Variants in SWT1 observed in about 807,000 individuals in gnomAD.
The protein encoded by SWT1 is transcriptional protein SWT1.
In SWT1, 33 loss-of-function variants were observed where a neutral mutation model predicts 107.3. The observed-to-expected ratio is 0.31, with a 90% confidence interval of 0.23 to 0.41. The LOEUF (loss-of-function observed/expected upper bound fraction) is 0.41. Among genes scored for constraint, SWT1 ranks in the 10% least tolerant of loss-of-function variants. The pLI is 1.00. For synonymous variants in SWT1, 345 were observed against 348.3 expected (o/e 0.99, Z 0.11); for missense variants, 898 against 1,028.9 (o/e 0.87, Z 1.74).
chr1:185,159,054 A>AGT (rs1276700978), intron 1 of SWT1, among the ~76,000 whole-genome samples: 2 of 152,180 alleles, frequency 1.3e-5, no homozygotes, highest in African/African-American at 4.8e-5. Context: ...GGGCTGTTTG[A>AGT]GTGTCCTCAT....
chr1:185,204,132 G>A (rs529160160), intron 11 of SWT1, among the ~76,000 whole-genome samples: 25 of 152,246 alleles, frequency 1.6e-4, no homozygotes, highest in Admixed American at 1.3e-3. Flanking sequence ...ATTGATGTGG[G>A]CTGAGTTTAG....
In SWT1 at chr1:185,197,819, T is replaced by C. The variant is rs144658860; in HGVS notation, c.1524-4835T>C. 6.3e-3 allele frequency among the ~76,000 whole-genome samples: 954 copies of C among 152,270 alleles called. 12 individuals are homozygous for C. Among genetic ancestry groups the C allele is most frequent in the Non-Finnish European group, 7.1e-3 (480 of 68,020 alleles). The stretch of plus-strand genomic sequence containing the variant: ...GTGGTGATATCCCCTTTATCATTTT[T>C]TTATTGTCTCTCTTTTCTTCTTTAT... On this transcript the variant is annotated intron_variant, in intron 10 of 18. Coordinates refer to ENST00000367500, the MANE Select transcript of SWT1 (RefSeq NM_017673.7).
rs1213261310 is a variant in SWT1 at position 185,195,427 on chromosome 1, T to C, written c.1523+4785T>C. 1.3e-5 allele frequency among the ~76,000 whole-genome samples: 2 copies of C among 152,210 alleles called. 1 individual carries two copies. The highest frequency in any genetic ancestry group is 3.8e-4 in the East Asian group (2 of 5,198). On this transcript the variant is annotated intron_variant, in intron 10 of 18. Transcript: ENST00000367500. ...TGGACATTTGGGTTGGTTCCAAGTC[T>C]TTGCTATTGTGAATAGTGCCGCAAT...
chr1:185,219,505 A>G (rs1025111767), intron 14 of SWT1, among the ~76,000 whole-genome samples: 2 of 152,228 alleles, frequency 1.3e-5, no homozygotes, highest in Non-Finnish European at 2.9e-5. Context: ...TTAGCAATCC[A>G]TGAAGCTAAT....
intron 10 of SWT1, among the ~76,000 whole-genome samples, chr1:185,201,239 GC>G (rs1027283638): frequency 3.3e-5 from 5 of 152,054 alleles, no homozygotes; most frequent in African/African-American, 1.2e-4. Context: ...TGGCTTCAGT[GC>G]CCACTTCCAG....
chr1:185,172,735 T>A (rs1319092191), intron 4 of SWT1, among the ~76,000 whole-genome samples: 3 of 152,156 alleles, frequency 2.0e-5, no homozygotes, highest in Admixed American at 2.0e-4. Flanking sequence ...TATTGTAAAA[T>A]CTTTGCTAAT....
At chr1:185,163,897 G>A (rs1294381345) in intron 2 of SWT1, among the ~76,000 whole-genome samples, 1 of 152,172 alleles carries the variant, frequency 6.6e-6, no homozygotes, top group Non-Finnish European at 1.5e-5. Context: ...GTTCTAAATG[G>A]CATCTAGAAT....
At chr1:185,282,725 C>G (rs1157356402) in intron 18 of SWT1, among the ~76,000 whole-genome samples, 5 of 152,088 alleles carry the variant, frequency 3.3e-5, no homozygotes, top group Non-Finnish European at 7.4e-5. Context: ...GGAGTTGACT[C>G]TGACTCCAGA....
intron 13 of SWT1, among the ~76,000 whole-genome samples, chr1:185,212,818 A>AG (rs369640042): frequency 1.3e-5 from 2 of 149,516 alleles, no homozygotes; most frequent in African/African-American, 4.9e-5. Context: ...AAAAAAAAAA[A>AG]CTTCTTGCTG....
chr1:185,192,245 A>T lies in SWT1; in HGVS notation c.1523+1603A>T, dbSNP rs532180493. Among the ~76,000 whole-genome samples, 8 of 152,272 alleles carry T rather than the reference A, an allele frequency of 5.3e-5. No individual in the cohort carries two copies. The East Asian group carries it at 7.7e-4, about 15-fold the overall frequency. ...GCTAATATATTCAACTATTTATTTG[A>T]TATCTCTTGGATGTTTCATAGACAT... On this transcript the variant is annotated intron_variant, in intron 10 of 18. Coordinates refer to ENST00000367500, the MANE Select transcript of SWT1 (RefSeq NM_017673.7).
At chr1:185,251,190 TAAATA>T (rs1300493272) in intron 16 of SWT1, 1 of 152,214 alleles carries the variant, frequency 6.6e-6, no homozygotes, top group Admixed American at 6.5e-5. Context: ...CCTAAAAAAA[TAAATA>T]AATTAATAAA....
intron 16 of SWT1, among the ~76,000 whole-genome samples, chr1:185,241,821 AAG>A (rs764669002): frequency 1.9e-4 from 29 of 152,266 alleles, no homozygotes; most frequent in South Asian, 1.9e-3. Context: ...AGAGGTATAG[AAG>A]AGAGATGAGC....
intron 17 of SWT1, among the ~76,000 whole-genome samples, chr1:185,272,937 G>A (rs1663978770): frequency 6.6e-6 from 1 of 151,994 alleles, no homozygotes; most frequent in African/African-American, 2.4e-5. Flanking sequence ...TTGGGAGGCT[G>A]AGGAGAGATT....
At chr1:185,178,367 A>G (rs1558016230) in intron 5 of SWT1, among the ~76,000 whole-genome samples, 1 of 152,188 alleles carries the variant, frequency 6.6e-6, no homozygotes, top group Non-Finnish European at 1.5e-5. Flanking sequence ...GTATCATGGG[A>G]AAGACTGGTT....
chr1:185,265,555 A>T (rs2102708360), intron 16 of SWT1, among the ~76,000 whole-genome samples: 1 of 152,370 alleles, frequency 6.6e-6, no homozygotes, highest in African/African-American at 2.4e-5. Flanking sequence ...TCACTGTATT[A>T]AAATGAGAAG....
At chr1:185,204,586 T>C (rs1658158736) in intron 11 of SWT1, 114 bp from the exon 12 acceptor site, 1 of 455,562 alleles carries the variant, frequency 2.2e-6, no homozygotes, top group East Asian at 3.8e-5. Flanking sequence ...GTTTGTTTTA[T>C]ATATAATTAA....
intron 16 of SWT1, among the ~76,000 whole-genome samples, chr1:185,252,173 G>T (rs1662090231): frequency 6.6e-6 from 1 of 152,092 alleles, no homozygotes; most frequent in South Asian, 2.1e-4. Context: ...TCTTAATCCA[G>T]TCTATCATTG....
chr1:185,181,046 G>A (rs1391183552), intron 6 of SWT1, among the ~76,000 whole-genome samples: 2 of 152,134 alleles, frequency 1.3e-5, no homozygotes, highest in Non-Finnish European at 2.9e-5. Flanking sequence ...GGCGGGTGGA[G>A]TACCCGAGGT....
intron 16 of SWT1, among the ~76,000 whole-genome samples, chr1:185,243,148 G>T (rs1181140818): frequency 1.3e-5 from 2 of 152,132 alleles, no homozygotes; most frequent in Non-Finnish European, 2.9e-5. Flanking sequence ...TCACTCGGAT[G>T]CCCAGGCTGG....
Sources: gnomAD v4.1 joint callset for allele counts (sites outside exome capture counted in the v4.1 genomes callset) on GRCh38, gnomAD v4.1.1 for gene constraint, MANE v1.5 for transcripts, NCBI Gene and HGNC (gene_info 2026-07-23, HGNC 2026-07-21) for gene names.